Variants in KCNMA1 observed in about 807,000 individuals in gnomAD.
KCNMA1 encodes potassium calcium-activated channel subfamily M alpha 1, also known as Calcium-activated potassium channel subunit alpha-1.
KCNMA1 carries 29 observed loss-of-function variants against 140.0 expected under a neutral mutation model. The observed-to-expected ratio is 0.21, with a 90% CI of 0.15 to 0.28. The LOEUF (loss-of-function observed/expected upper bound fraction) is 0.28. KCNMA1 is among the 10% of genes least tolerant of loss of function. The pLI is 1.00. For missense variants in KCNMA1, 880 were observed against 1,602.2 expected (o/e 0.55, Z 7.70); for synonymous variants, 612 against 611.9 (o/e 1.00, Z 0.00).
chr10:77,595,620 T>C (rs2154565521), intron 1 of KCNMA1, among the ~76,000 whole-genome samples: 1 of 152,116 alleles, frequency 6.6e-6, no homozygotes, highest in Middle Eastern at 3.4e-3. Flanking sequence ...CTCCTGACAA[T>C]AAAGAAGCGC....
intron 21 of KCNMA1, 90 bp from the exon 22 acceptor site, chr10:76,949,456 A>G: frequency 9.2e-7 from 1 of 1,091,032 alleles, no homozygotes; most frequent in Non-Finnish European, 1.4e-6. Flanking sequence ...CAAAGAATCA[A>G]GCAAATATTT....
At chr10:77,428,713 G>A (rs547472560) in intron 1 of KCNMA1, among the ~76,000 whole-genome samples, 1 of 152,204 alleles carries the variant, frequency 6.6e-6, no homozygotes, top group South Asian at 2.1e-4. Flanking sequence ...AGAAAAATGT[G>A]TGATTGGGGA....
Position 77,615,017 on chromosome 10 carries a change from T to C in KCNMA1, c.378+22248A>G, listed in dbSNP as rs534578167. ...GAACTTGGTGTACAGAAAGATGTTT[T>C]GGGTGCCTCAGAACACATAATCCCT... is the stretch of plus-strand genomic sequence containing the variant. On this transcript the variant is annotated intron_variant, in intron 1 of 27. Coordinates refer to ENST00000286628, the MANE Select transcript of KCNMA1 (RefSeq NM_001161352.2). Among the ~76,000 whole-genome samples, 7 of 152,336 alleles carry C rather than the reference T, an allele frequency of 4.6e-5. No individual in the cohort carries two copies. In the South Asian group the frequency reaches 1.5e-3, roughly 32 times the overall value.
chr10:76,928,967 T>C (rs1311327707), intron 23 of KCNMA1, among the ~76,000 whole-genome samples: 1 of 152,160 alleles, frequency 6.6e-6, no homozygotes, highest in Non-Finnish European at 1.5e-5. Flanking sequence ...CTCTGGGACA[T>C]GAGGGAACAG....
intron 2 of KCNMA1, chr10:77,309,482 A>G (rs951113829): frequency 2.6e-5 from 4 of 152,276 alleles, no homozygotes; most frequent in African/African-American, 9.6e-5. Flanking sequence ...TCACTCACCT[A>G]GGTGGGTCAG....
intron 2 of KCNMA1, among the ~76,000 whole-genome samples, chr10:77,299,128 A>G (rs1053218353): frequency 6.6e-6 from 1 of 152,212 alleles, no homozygotes; most frequent in Non-Finnish European, 1.5e-5. Flanking sequence ...TTAGATTTGC[A>G]TGCTGAAATG....
chr10:77,387,401 T>A (rs1183395647), intron 2 of KCNMA1, among the ~76,000 whole-genome samples: 1 of 152,188 alleles, frequency 6.6e-6, no homozygotes, highest in African/African-American at 2.4e-5. Flanking sequence ...AGCCCCACTT[T>A]AATCACACAT....
At chr10:77,103,899 G>A (rs1163975871) in intron 9 of KCNMA1, among the ~76,000 whole-genome samples, 2 of 152,074 alleles carry the variant, frequency 1.3e-5, no homozygotes, top group African/African-American at 4.8e-5. Flanking sequence ...TCATGAGCAC[G>A]GTACTCTGGC....
At chr10:77,518,573 G>A (rs181605078) in intron 1 of KCNMA1, among the ~76,000 whole-genome samples, 22 of 152,306 alleles carry the variant, frequency 1.4e-4, no homozygotes, top group Admixed American at 1.1e-3. Flanking sequence ...GGACAGGGCC[G>A]AAGGAAGAAG....
intron 1 of KCNMA1, among the ~76,000 whole-genome samples, chr10:77,471,789 C>T (rs1320807983): frequency 1.3e-5 from 2 of 151,506 alleles, no homozygotes; most frequent in Non-Finnish European, 2.9e-5. Context: ...TATACACACA[C>T]CCAACAAATA....
chr10:77,321,516 T>C (rs2082318578), intron 2 of KCNMA1, among the ~76,000 whole-genome samples: 2 of 152,226 alleles, frequency 1.3e-5, no homozygotes, highest in African/African-American at 4.8e-5. Context: ...CAATTAATTC[T>C]CAGCTTGCTT....
chr10:77,293,045 G>C (rs1457053544), intron 2 of KCNMA1, among the ~76,000 whole-genome samples: 1 of 152,152 alleles, frequency 6.6e-6, no homozygotes, highest in African/African-American at 2.4e-5. Context: ...AGCATGGCAG[G>C]CAGAGGGAAC....
intron 1 of KCNMA1, among the ~76,000 whole-genome samples, chr10:77,605,600 T>C (rs1051265136): frequency 1.3e-5 from 2 of 152,186 alleles, no homozygotes; most frequent in African/African-American, 4.8e-5. Flanking sequence ...CTCCCTCCTC[T>C]GCTGGGACAG....
intron 1 of KCNMA1, among the ~76,000 whole-genome samples, chr10:77,496,596 CAA>C (rs201304328): frequency 3.2e-5 from 2 of 63,016 alleles, no homozygotes; most frequent in Admixed American, 3.4e-4. Context: ...GACACTGTCT[CAA>C]AAAAAAAAAA....
intron 1 of KCNMA1, among the ~76,000 whole-genome samples, chr10:77,614,975 C>T (rs569765774): frequency 1.3e-5 from 2 of 152,216 alleles, no homozygotes; most frequent in South Asian, 4.1e-4. Flanking sequence ...AAAGAAGACC[C>T]GGAAGTCTTC....
downstream of KCNMA1, chr10:76,883,966 A>G: frequency 5.1e-6 from 5 of 977,756 alleles, no homozygotes; most frequent in Non-Finnish European, 6.1e-6. Flanking sequence ...CATTAGTCAA[A>G]TATGGTGAAT....
At chr10:77,476,025 G>A (rs1344028529) in intron 1 of KCNMA1, among the ~76,000 whole-genome samples, 1 of 152,064 alleles carries the variant, frequency 6.6e-6, no homozygotes, top group Non-Finnish European at 1.5e-5. Flanking sequence ...ATCTGTATTG[G>A]GTTGCAGAAA....
intron 1 of KCNMA1, among the ~76,000 whole-genome samples, chr10:77,413,952 G>A (rs953037275): frequency 1.3e-5 from 2 of 152,198 alleles, no homozygotes; most frequent in African/African-American, 4.8e-5. Flanking sequence ...TGGACCTACA[G>A]TGCTCCACCA....
At chr10:77,225,753 G>A (rs2051152835) in intron 3 of KCNMA1, among the ~76,000 whole-genome samples, 1 of 152,206 alleles carries the variant, frequency 6.6e-6, no homozygotes, top group Non-Finnish European at 1.5e-5. Flanking sequence ...CAGGCACCAA[G>A]GGGCCATGGA....
Sources: gnomAD v4.1 joint callset for allele counts (sites outside exome capture counted in the v4.1 genomes callset) on GRCh38, gnomAD v4.1.1 for gene constraint, MANE v1.5 for transcripts, NCBI Gene and HGNC (gene_info 2026-07-23, HGNC 2026-07-21) for gene names.